The following SLC37A3 variants were observed in gnomAD, a reference collection of about 807,000 sequenced individuals.
SLC37A3 encodes solute carrier family 37 member 3, also known as sugar phosphate exchanger 3.
In SLC37A3, 51 loss-of-function variants were observed where a neutral mutation model predicts 67.1. The ratio of observed to expected loss-of-function variants is 0.76; its 90% CI spans 0.61 to 0.96. The LOEUF is 0.96. Among genes scored for constraint, SLC37A3 ranks in the 40% least tolerant of loss-of-function variants. The pLI, the probability that SLC37A3 is intolerant of heterozygous loss-of-function variation, is 0.00. For synonymous variants in SLC37A3, 214 were observed against 231.4 expected (o/e 0.92, Z 0.68); for missense variants, 508 against 603.0 (o/e 0.84, Z 1.65).
chr7:140,366,217 T>G (rs1026493316), intron 4 of SLC37A3, among the ~76,000 whole-genome samples: 7 of 151,958 alleles, frequency 4.6e-5, no homozygotes, highest in Non-Finnish European at 7.4e-5. Context: ...CCCAGCCAAG[T>G]TTTAGAGATA....
At chr7:140,337,122 AGAAG>A (rs1796172233) in intron 14 of SLC37A3, among the ~76,000 whole-genome samples, 158 bp downstream of exon 14, 1 of 137,728 alleles carries the variant, frequency 7.3e-6, no homozygotes. Context: ...AAAAAAAAGA[AGAAG>A]AAGAAGAAGA....
chr7:140,358,609 A>G, intron 6 of SLC37A3, 31 bp downstream of exon 6: 1 of 1,613,032 alleles, frequency 6.2e-7, no homozygotes, highest in South Asian at 1.1e-5. Flanking sequence ...CCACTTAAAC[A>G]GAGAAATTAG....
rs752351868 is a variant in SLC37A3, at chr7:140,346,474, A to T, written c.1025-504T>A. ...TAAATCACCATGATGACCAGTGGGG[A>T]CAGGAGACCACAAATCAGACAGCAA... On this transcript the variant is annotated intron_variant, in intron 10 of 14. Transcript: ENST00000326232. Among the ~76,000 whole-genome samples, 13 of 152,254 alleles carry T rather than the reference A, an allele frequency of 8.5e-5. 1 individual carries two copies. Among genetic ancestry groups the T allele is most frequent in the Non-Finnish European group, 1.0e-4 (7 of 68,042 alleles).
intron 1 of SLC37A3, among the ~76,000 whole-genome samples, chr7:140,384,093 A>G (rs1798356994): frequency 1.3e-5 from 2 of 152,226 alleles, no homozygotes; most frequent in African/African-American, 2.4e-5. Context: ...ATGAGTCTGC[A>G]GAACCAATCC....
chr7:140,362,581 C>A (rs1289179227), intron 5 of SLC37A3, among the ~76,000 whole-genome samples: 18 of 94,208 alleles, frequency 1.9e-4, no homozygotes, highest in South Asian at 4.1e-4. Context: ...CCAGCCGCCC[C>A]GTCCGGGAGG....
At chr7:140,336,282 C>T (rs1399755735) in intron 14 of SLC37A3, among the ~76,000 whole-genome samples, 1 of 152,222 alleles carries the variant, frequency 6.6e-6, no homozygotes, top group East Asian at 1.9e-4. Context: ...TGGTGGCACA[C>T]ACCTATAGTC....
rs190837362 is a variant in SLC37A3, at chr7:140,339,551, G to A, written c.1327-2202C>T. Among the ~76,000 whole-genome samples the A allele has an allele frequency of 2.6e-3, 399 of 152,166 alleles. 1 individual carries two copies. Among genetic ancestry groups the A allele is most frequent in the Middle Eastern group, 6.8e-3 (2 of 294 alleles). ...GCTGGGATAACAGGCATGAGCCACC[G>A]CGCCCGGCCCCCAGTTTTCAATCTT... On this transcript the variant is annotated intron_variant, in intron 13 of 14. Transcript: ENST00000326232.
intron 10 of SLC37A3, among the ~76,000 whole-genome samples, chr7:140,347,936 CCA>C (rs1563012799): frequency 6.6e-6 from 1 of 152,142 alleles, no homozygotes; most frequent in Non-Finnish European, 1.5e-5. Context: ...ATACCTGAAA[CCA>C]CAGACAGTAC....
Position 140,334,882 on chromosome 7 carries a change from G to C in SLC37A3, c.*530C>G, listed in dbSNP as rs1017811132. 7 of 270,496 alleles carry C rather than the reference G, an allele frequency of 2.6e-5. No homozygotes were observed. The highest frequency in any genetic ancestry group is 4.9e-5 in the Admixed American group (1 of 20,218). The allele number at this position is 270,496 out of a possible 1,614,324, so 16.8% of individuals were successfully genotyped here. ...ACCACAGTGAACAGAGGGATTCTTTGTCCAAGGCAGGCTTGCAGCTCGGTC... is the reference window on the plus strand; with the variant it reads ...ACCACAGTGAACAGAGGGATTCTTTCTCCAAGGCAGGCTTGCAGCTCGGTC... On this transcript the variant is annotated 3_prime_UTR_variant, in exon 15 of 15. Coordinates refer to ENST00000326232, the MANE Select transcript of SLC37A3 (RefSeq NM_207113.3).
At chr7:140,341,075 G>C (rs1041732232) in intron 13 of SLC37A3, among the ~76,000 whole-genome samples, 1 of 152,130 alleles carries the variant, frequency 6.6e-6, no homozygotes, top group Non-Finnish European at 1.5e-5. Context: ...AGTTGGGACA[G>C]GCACATACCA....
chr7:140,345,914 C>T lies in SLC37A3; in HGVS notation c.1081G>A (p.Ala361Thr), dbSNP rs1796537602. 1.2e-6 allele frequency: 2 copies of T among 1,614,050 alleles called. No homozygotes were observed. Among genetic ancestry groups the T allele is most frequent in the African/African-American group, 1.3e-5 (1 of 75,020 alleles). The stretch of plus-strand genomic sequence containing the variant: ...CCAACTGCCAGAAGCAGACTCAGGG[C>T]AAGAACCGGCGCTCTCTTCTGTAGT... ...DVLQKRAPVL[A>T]LSLLLAVGSL... The change falls in exon 11 of 15, where the codon GCC becomes ACC. Residue 361 changes from alanine to threonine, a missense_variant. By Grantham distance (58) the Ala-to-Thr change is moderately conservative (BLOSUM62 0). Coordinates refer to ENST00000326232, the MANE Select transcript of SLC37A3 (RefSeq NM_207113.3).
chr7:140,346,231 T>A (rs1796553794), intron 10 of SLC37A3, among the ~76,000 whole-genome samples: 1 of 151,888 alleles, frequency 6.6e-6, no homozygotes, highest in East Asian at 1.9e-4. Flanking sequence ...TACAAAAAAA[T>A]TAGCCGGGCG....
intron 1 of SLC37A3, among the ~76,000 whole-genome samples, chr7:140,390,124 C>G (rs544461248): frequency 3.0e-4 from 45 of 152,148 alleles, no homozygotes; most frequent in Admixed American, 2.6e-3. Flanking sequence ...CCAACTGTCT[C>G]GTATTAGGAA....
chr7:140,350,993 C>T (rs1796770650), intron 9 of SLC37A3, among the ~76,000 whole-genome samples: 1 of 152,146 alleles, frequency 6.6e-6, no homozygotes, highest in African/African-American at 2.4e-5. Context: ...TTTTCTGTGG[C>T]TTATTTTGTT....
rs967142504 is a variant in SLC37A3 at position 140,359,081 on chromosome 7, C to T, written c.376-296G>A. Among the ~76,000 whole-genome samples the T allele has an allele frequency of 5.3e-5, 8 of 152,280 alleles. No homozygotes were observed. In the South Asian group the frequency reaches 6.2e-4, roughly 12 times the overall value. ...AAAAGTGAATTCCAGGCCGGGCTCA[C>T]GCCTGTAATCTCAGCACTTTGGGAG... is the stretch of plus-strand genomic sequence containing the variant. On this transcript the variant is annotated intron_variant, in intron 5 of 14. Coordinates refer to ENST00000326232, the MANE Select transcript of SLC37A3 (RefSeq NM_207113.3).
chr7:140,384,848 CAAG>C (rs1350950256), intron 1 of SLC37A3, among the ~76,000 whole-genome samples: 3 of 152,186 alleles, frequency 2.0e-5, no homozygotes, highest in African/African-American at 7.2e-5. Context: ...CTCCAATACT[CAAG>C]AAAGAATCAC....
intron 3 of SLC37A3, among the ~76,000 whole-genome samples, chr7:140,372,111 A>G (rs1352138533): frequency 2.6e-5 from 4 of 152,158 alleles, no homozygotes; most frequent in African/African-American, 9.7e-5. Flanking sequence ...CGGCCTCCCA[A>G]AGTGCTGGGA....
At chr7:140,362,434 C>A (rs1203043772) in intron 5 of SLC37A3, among the ~76,000 whole-genome samples, 33 of 145,498 alleles carry the variant, frequency 2.3e-4, no homozygotes, top group Non-Finnish European at 4.0e-4. Flanking sequence ...GGGGGGTCAG[C>A]CCCCCGCCCG....
rs1395418606 is a variant in SLC37A3, at chr7:140,382,520, A to G, written c.7T>C (p.Trp3Arg). 6.2e-7 allele frequency: 1 copy of G among 1,614,052 alleles called. No homozygotes were observed. Among genetic ancestry groups the G allele is most frequent in the Non-Finnish European group, 8.5e-7 (1 of 1,179,934 alleles). ...GACCCTCTTTGAAAAACATTTGGCCAGGCCATGTTCTTCCTGACCTTCCTT... is the reference window on the plus strand; with the variant it reads ...GACCCTCTTTGAAAAACATTTGGCCGGGCCATGTTCTTCCTGACCTTCCTT... MA[W>R]PNVFQRGSLL... The change falls in exon 2 of 15, where the codon TGG (tryptophan) becomes CGG (arginine). Residue 3 changes from tryptophan (W) to arginine (R), a missense_variant. Trp to Arg is a moderately radical substitution (Grantham distance 101). Coordinates refer to ENST00000326232, the MANE Select transcript of SLC37A3 (RefSeq NM_207113.3).
Sources: gnomAD v4.1 joint callset for allele counts (sites outside exome capture counted in the v4.1 genomes callset) on GRCh38, gnomAD v4.1.1 for gene constraint, MANE v1.5 for transcripts, NCBI Gene and HGNC (gene_info 2026-07-23, HGNC 2026-07-21) for gene names.